Variants in TMEM26 observed in about 807,000 individuals in gnomAD.
TMEM26 encodes transmembrane protein 26.
A neutral mutation model predicts 28.8 loss-of-function variants in TMEM26; 38 were observed. The ratio of observed to expected loss-of-function variants is 1.32; its 90% CI spans 1.02 to 1.73. The LOEUF is 1.73. Among genes scored for constraint, TMEM26 ranks in the 40% most tolerant of loss-of-function variants. The pLI is 0.00. For synonymous variants in TMEM26, 227 were observed against 182.9 expected (o/e 1.24, Z -1.95); for missense variants, 518 against 447.1 (o/e 1.16, Z -1.43).
chr10:61,413,122 A>T (rs987951313), intron 5 of TMEM26: 10 of 482,932 alleles, frequency 2.1e-5, no homozygotes, highest in East Asian at 1.9e-4. Flanking sequence ...AGTGACTATG[A>T]TTATCATCCC....
At chr10:61,439,005 T>C (rs928180761) in intron 1 of TMEM26, among the ~76,000 whole-genome samples, 2 of 152,218 alleles carry the variant, frequency 1.3e-5, no homozygotes, top group Middle Eastern at 3.2e-3. Context: ...TCAGCCTTGT[T>C]TAACTAACCA....
In TMEM26 at chr10:61,445,485, GGTCA is replaced by G. The variant is rs1188979494; in HGVS notation, c.191+7402_191+7405del. On this transcript the variant is annotated intron_variant, in intron 1 of 5. Coordinates refer to ENST00000399298, the MANE Select transcript of TMEM26 (RefSeq NM_178505.8). Reference sequence around the variant, plus strand: ...AGTTGTACATTATCTACCTCTTTGAGGTCAGTCAGACAAAACAAAGATAAAATAT... The same window carrying G: ...AGTTGTACATTATCTACCTCTTTGAGGTCAGACAAAACAAAGATAAAATAT... 5.3e-5 allele frequency among the ~76,000 whole-genome samples: 8 copies of G among 151,998 alleles called. No individual in the cohort carries two copies. The East Asian group carries it at 9.6e-4, about 18-fold the overall frequency.
At chr10:61,452,622 A>T (rs1840307609) in intron 1 of TMEM26, 1 of 440,796 alleles carries the variant, frequency 2.3e-6, no homozygotes, top group African/African-American at 2.0e-5. Context: ...TCCTCTCTTT[A>T]CTCATCTTCC....
Position 61,410,378 on chromosome 10 carries a change from C to G in TMEM26, c.1051G>C (p.Ala351Pro), listed in dbSNP as rs556006804. 3.1e-6 allele frequency: 5 copies of G among 1,614,004 alleles called. No homozygotes were observed. The African/African-American group carries it at 6.7e-5, about 22-fold the overall frequency. The change falls in exon 6 of 6, where the codon GCT (alanine) becomes CCT (proline). Residue 351 changes from alanine (A) to proline (P), a missense_variant. By Grantham distance (27) the Ala-to-Pro change is conservative. Transcript: ENST00000399298. ...ACTGGGGAGCCCCGCAAAGGAATAGCCAGGCCCTCCTTAGACTCGTTCTGC... is the reference window on the plus strand; with the variant it reads ...ACTGGGGAGCCCCGCAAAGGAATAGGCAGGCCCTCCTTAGACTCGTTCTGC... ...DWQNESKEGLAIPLRGSPVTS... is the reference protein window; with the variant it reads ...DWQNESKEGLPIPLRGSPVTS...
chr10:61,452,102 G>A (rs1840293516), intron 1 of TMEM26, among the ~76,000 whole-genome samples: 1 of 152,154 alleles, frequency 6.6e-6, no homozygotes, highest in African/African-American at 2.4e-5. Flanking sequence ...GGGGTTGGGG[G>A]AGGCTCTTCG....
intron 4 of TMEM26, among the ~76,000 whole-genome samples, chr10:61,418,716 T>C (rs1839694218): frequency 6.6e-6 from 1 of 152,110 alleles, no homozygotes. Context: ...CTTGCTACTT[T>C]GAGACTGCAG....
chr10:61,432,606 C>T (rs1368731809), intron 2 of TMEM26, among the ~76,000 whole-genome samples: 1 of 152,052 alleles, frequency 6.6e-6, no homozygotes, highest in Non-Finnish European at 1.5e-5. Flanking sequence ...CCACTACAAC[C>T]ACCACACATC....
Position 61,429,078 on chromosome 10 carries a change from T to C in TMEM26, c.453A>G (p.Thr151=). The C allele has an allele frequency of 6.2e-7, 1 of 1,613,398 alleles. No homozygotes were observed. Among genetic ancestry groups the C allele is most frequent in the Non-Finnish European group, 8.5e-7 (1 of 1,179,500 alleles). The stretch of plus-strand genomic sequence containing the variant: ...TTCCAATTATTAGCATTAACAGGAA[T>C]GTCTGATGGAGTCCCAATGTCCAAA... ...EKVWTLGLHQ[T]FLLMLIIGRW... Residue 151 remains threonine (T), a synonymous_variant, in exon 4 of 6, where the codon ACA becomes ACG. Transcript: ENST00000399298.
chr10:61,413,795 A>G, intron 4 of TMEM26: 1 of 1,093,784 alleles, frequency 9.1e-7, no homozygotes, highest in Non-Finnish European at 1.1e-6. Context: ...TGCTGTCTTT[A>G]GTTTTACAAA....
chr10:61,412,926 G>A (rs930745460), intron 5 of TMEM26: 1 of 1,295,084 alleles, frequency 7.7e-7, no homozygotes, highest in Non-Finnish European at 1.0e-6. Flanking sequence ...AGTAAGACCA[G>A]TAGGATTCCA....
intron 1 of TMEM26, among the ~76,000 whole-genome samples, chr10:61,446,959 C>A (rs982368719): frequency 1.4e-5 from 2 of 141,374 alleles, no homozygotes; most frequent in African/African-American, 5.5e-5. Flanking sequence ...ATCAGGGCTA[C>A]AACAAACTTT....
chr10:61,418,646 C>T (rs1487342835), intron 4 of TMEM26, among the ~76,000 whole-genome samples: 2 of 152,046 alleles, frequency 1.3e-5, no homozygotes, highest in Non-Finnish European at 2.9e-5. Flanking sequence ...AAATCTCACA[C>T]TCAGCGGTGT....
chr10:61,414,891 C>A, intron 4 of TMEM26: 13 of 728,830 alleles, frequency 1.8e-5, no homozygotes, highest in Non-Finnish European at 2.0e-5. Flanking sequence ...GAAAAAGTCT[C>A]CCATAGTGTC....
intron 1 of TMEM26, among the ~76,000 whole-genome samples, chr10:61,445,714 C>CAAATAAGTTAAATAT (rs1469127983): frequency 2.0e-5 from 3 of 151,974 alleles, no homozygotes; most frequent in South Asian, 4.2e-4. Flanking sequence ...TTATTTTTAA[C>CAAATAAGTTAAATAT]AAAACATTTT....
chr10:61,437,503 T>A (rs904424963), intron 1 of TMEM26, among the ~76,000 whole-genome samples: 1 of 152,084 alleles, frequency 6.6e-6, no homozygotes, highest in Admixed American at 6.6e-5. Flanking sequence ...TTCAAATTGG[T>A]CTGGGCACGG....
chr10:61,411,787 C>T (rs1293962247), intron 5 of TMEM26, among the ~76,000 whole-genome samples: 1 of 152,118 alleles, frequency 6.6e-6, no homozygotes, highest in Non-Finnish European at 1.5e-5. Context: ...AATAATGAAG[C>T]CTTCCATTTG....
rs193299365 is a variant in TMEM26 at position 61,443,804 on chromosome 10, C to T, written c.192-7556G>A. Reference sequence around the variant, plus strand: ...CAATCTAAAATTTTCCAAGAGTAGGCCTAAAGCAAGCACAAGCTTTATTAC... The same window carrying T: ...CAATCTAAAATTTTCCAAGAGTAGGTCTAAAGCAAGCACAAGCTTTATTAC... On this transcript the variant is annotated intron_variant, in intron 1 of 5. Coordinates refer to ENST00000399298, the MANE Select transcript of TMEM26 (RefSeq NM_178505.8). Among the ~76,000 whole-genome samples the T allele has an allele frequency of 2.6e-4, 40 of 152,182 alleles. No individual in the cohort carries two copies. The East Asian group carries it at 7.5e-3, about 29-fold the overall frequency.
intron 1 of TMEM26, among the ~76,000 whole-genome samples, chr10:61,437,728 C>T (rs904349869): frequency 4.6e-5 from 7 of 152,008 alleles, no homozygotes; most frequent in East Asian, 1.9e-4. Context: ...AATGTCGCAG[C>T]GAGCTGAGAT....
At chr10:61,414,723 A>G (rs1839622453) in intron 4 of TMEM26, 1 of 152,316 alleles carries the variant, frequency 6.6e-6, no homozygotes, top group Non-Finnish European at 1.5e-5. Context: ...GAGCCCTTTT[A>G]GAAGAACACA....
Sources: allele counts gnomAD v4.1 joint callset (sites outside exome capture counted in the v4.1 genomes callset), GRCh38; gene constraint gnomAD v4.1.1; transcripts MANE v1.5; gene names NCBI Gene and HGNC (gene_info 2026-07-23, HGNC 2026-07-21).